The following CDH12 variants were observed in gnomAD, a reference collection of about 807,000 sequenced individuals.
The protein encoded by CDH12 is cadherin 12, also known as cadherin-12.
Under a neutral mutation model 74.1 loss-of-function variants are expected in CDH12, and 41 were observed. The ratio of observed to expected loss-of-function variants is 0.55; its 90% CI spans 0.43 to 0.72. The LOEUF (loss-of-function observed/expected upper bound fraction) is 0.72. CDH12 is among the 30% of genes least tolerant of loss of function. The pLI, the probability that CDH12 is intolerant of heterozygous loss-of-function variation, is 0.00. For synonymous variants in CDH12, 399 were observed against 355.0 expected (o/e 1.12, Z -1.39); for missense variants, 945 against 977.2 (o/e 0.97, Z 0.44).
intron 2 of CDH12, among the ~76,000 whole-genome samples, chr5:22,497,040 T>A (rs1747130381): frequency 1.3e-5 from 2 of 152,308 alleles, no homozygotes; most frequent in Middle Eastern, 3.4e-3. Flanking sequence ...CATTTTCTCA[T>A]CTGCTAAATG....
At chr5:21,855,378 C>A (rs1406067295) in intron 6 of CDH12, among the ~76,000 whole-genome samples, 1 of 151,456 alleles carries the variant, frequency 6.6e-6, no homozygotes, top group Non-Finnish European at 1.5e-5. Flanking sequence ...AAGAAGACAC[C>A]ACAGTCAAAT....
At chr5:21,975,471 G>C (rs1407083364) in intron 5 of CDH12, 86 bp from the exon 6 acceptor site, 1 of 915,794 alleles carries the variant, frequency 1.1e-6, no homozygotes, top group Non-Finnish European at 1.6e-6. Context: ...AAATTAAAAA[G>C]TCATAATTTG....
chr5:22,623,029 T>G (rs1223368817), intron 1 of CDH12, among the ~76,000 whole-genome samples: 2 of 152,182 alleles, frequency 1.3e-5, no homozygotes, highest in African/African-American at 4.8e-5. Flanking sequence ...CGCAAATCAA[T>G]AAACGTAATC....
chr5:22,090,440 A>G (rs778366180), intron 4 of CDH12, among the ~76,000 whole-genome samples: 1 of 151,622 alleles, frequency 6.6e-6, no homozygotes, highest in Non-Finnish European at 1.5e-5. Context: ...TCACTGTTGA[A>G]TTCTATCAAA....
At chr5:22,529,096 G>GTGT (rs1737431157) in intron 1 of CDH12, among the ~76,000 whole-genome samples, 27 of 104,188 alleles carry the variant, frequency 2.6e-4, no homozygotes, top group East Asian at 1.5e-3. Flanking sequence ...TGCAAAACAT[G>GTGT]AATATATGCA....
At position 22,093,527 on chromosome 5, in the gene CDH12, C is replaced by T. The variant is rs76967924; in HGVS notation, c.-186-14665G>A. 3.6e-3 allele frequency among the ~76,000 whole-genome samples: 550 copies of T among 152,190 alleles called. 4 individuals are homozygous for T. The highest frequency in any genetic ancestry group is 4.5e-3 in the Non-Finnish European group (306 of 68,016). Reference sequence around the variant, plus strand: ...GAAAGAAGTCAGTTATAAAAGATTACATATTATATGATTGTTATTTATATT... The same window carrying T: ...GAAAGAAGTCAGTTATAAAAGATTATATATTATATGATTGTTATTTATATT... On this transcript the variant is annotated intron_variant, in intron 4 of 14. Transcript: ENST00000382254.
At position 21,751,992 on chromosome 5, in the gene CDH12, G is replaced by A. The variant is rs1744109289; in HGVS notation, c.2130C>T (p.Asn710=). The part of the protein sequence containing the change: ...LPRQRPPMED[N]TDIRDFIHQR... ...GATGAATGAAATCCCTTATGTCTGT[G>A]TTATCTTCCATGGGTGGTCTCTGAC... The change falls in exon 15 of 15, where the codon AAC becomes AAT. Residue 710 remains asparagine (N), a synonymous_variant. Coordinates refer to ENST00000382254, the MANE Select transcript of CDH12 (RefSeq NM_004061.5). The A allele has an allele frequency of 6.2e-7, 1 of 1,613,970 alleles. No homozygotes were observed. Among genetic ancestry groups the A allele is most frequent in the African/African-American group, 1.3e-5 (1 of 74,898 alleles).
intron 3 of CDH12, among the ~76,000 whole-genome samples, chr5:22,399,599 T>A (rs1742625610): frequency 6.6e-6 from 1 of 152,062 alleles, no homozygotes; most frequent in African/African-American, 2.4e-5. Context: ...TAGAGAACAA[T>A]GAAAAAGGTA....
chr5:22,316,512 C>T (rs1302932242), intron 3 of CDH12, among the ~76,000 whole-genome samples: 1 of 152,004 alleles, frequency 6.6e-6, no homozygotes, highest in Non-Finnish European at 1.5e-5. Context: ...GAGAATTTTA[C>T]TGTAAAATTA....
chr5:21,767,051 G>A (rs1745066773), intron 11 of CDH12, among the ~76,000 whole-genome samples: 1 of 151,704 alleles, frequency 6.6e-6, no homozygotes, highest in Non-Finnish European at 1.5e-5. Context: ...AATTATATAG[G>A]TACTTACAAA....
At chr5:21,914,851 T>G (rs1754016626) in intron 6 of CDH12, among the ~76,000 whole-genome samples, 1 of 152,204 alleles carries the variant, frequency 6.6e-6, no homozygotes, top group East Asian at 1.9e-4. Context: ...TGACATGAAA[T>G]TAATCATCAC....
chr5:21,951,109 TA>T (rs1282805909), intron 6 of CDH12, among the ~76,000 whole-genome samples: 1 of 151,876 alleles, frequency 6.6e-6, no homozygotes, highest in Non-Finnish European at 1.5e-5. Context: ...TTTTAAAAAG[TA>T]AAAAAAGTCA....
rs573304746 is a variant in CDH12, at chr5:22,149,640, T to G, written c.-187+62858A>C. Among the ~76,000 whole-genome samples, 19 of 152,336 alleles carry G rather than the reference T, an allele frequency of 1.2e-4. No individual in the cohort carries two copies. The East Asian group carries it at 3.7e-3, about 29-fold the overall frequency. On this transcript the variant is annotated intron_variant, in intron 4 of 14. Transcript: ENST00000382254. ...CTCTATACATCCTACATGAATGATC[T>G]AATCTCCAACCTCAACAGACTTAAA...
intron 4 of CDH12, among the ~76,000 whole-genome samples, chr5:22,175,071 C>T (rs1218608708): frequency 6.6e-6 from 1 of 151,712 alleles, no homozygotes; most frequent in Admixed American, 6.6e-5. Flanking sequence ...GTATTAAATG[C>T]CTAATTATTT....
intron 3 of CDH12, among the ~76,000 whole-genome samples, chr5:22,322,791 C>G (rs1367228167): frequency 6.6e-6 from 1 of 152,142 alleles, no homozygotes; most frequent in East Asian, 1.9e-4. Context: ...AGTGAGCTAT[C>G]TTTTTTGATC....
chr5:21,981,903 G>T (rs527802732), intron 5 of CDH12, among the ~76,000 whole-genome samples: 2 of 152,016 alleles, frequency 1.3e-5, no homozygotes, highest in African/African-American at 4.8e-5. Flanking sequence ...CAAACTTCTG[G>T]GCTCAAGCAA....
intron 2 of CDH12, among the ~76,000 whole-genome samples, chr5:22,469,292 A>C (rs1227732556): frequency 1.3e-5 from 2 of 152,180 alleles, no homozygotes; most frequent in Non-Finnish European, 2.9e-5. Context: ...TTAAACAACA[A>C]ATTTATTGTA....
At chr5:22,275,416 A>G (rs1213227682) in intron 3 of CDH12, among the ~76,000 whole-genome samples, 3 of 152,134 alleles carry the variant, frequency 2.0e-5, no homozygotes, top group Non-Finnish European at 2.9e-5. Flanking sequence ...CTCACATTTA[A>G]TTTTTTAGTG....
At chr5:21,864,473 T>C (rs892481361) in intron 6 of CDH12, among the ~76,000 whole-genome samples, 3 of 152,138 alleles carry the variant, frequency 2.0e-5, no homozygotes, top group African/African-American at 7.2e-5. Flanking sequence ...CCTTCCCTCA[T>C]GGAATCATGC....
Sources: gnomAD v4.1 joint callset for allele counts (sites outside exome capture counted in the v4.1 genomes callset) on GRCh38, gnomAD v4.1.1 for gene constraint, MANE v1.5 for transcripts, NCBI Gene and HGNC (gene_info 2026-07-23, HGNC 2026-07-21) for gene names.